Variants in RCAN2 observed in about 807,000 individuals in gnomAD.
RCAN2 encodes regulator of calcineurin 2.
In RCAN2, 9 loss-of-function variants were observed where a neutral mutation model predicts 23.6. The observed-to-expected ratio is 0.38, with a 90% CI of 0.23 to 0.67. The LOEUF (loss-of-function observed/expected upper bound fraction) is 0.67, where lower values mean the gene tolerates loss of function less well. Among genes scored for constraint, RCAN2 ranks in the 30% least tolerant of loss-of-function variants. The pLI is 0.51. For synonymous variants in RCAN2, 109 were observed against 115.7 expected (o/e 0.94, Z 0.37); for missense variants, 273 against 302.3 (o/e 0.90, Z 0.72).
intron 2 of RCAN2, among the ~76,000 whole-genome samples, chr6:46,283,342 C>A (rs1293692463): frequency 6.6e-6 from 1 of 152,148 alleles, no homozygotes; most frequent in African/African-American, 2.4e-5. Flanking sequence ...ACTCAGGAGG[C>A]TGAGGTGGGA....
chr6:46,422,879 T>G (rs2150413034), intron 2 of RCAN2, among the ~76,000 whole-genome samples: 1 of 152,324 alleles, frequency 6.6e-6, no homozygotes, highest in Middle Eastern at 3.4e-3. Flanking sequence ...GTACTACTGA[T>G]GAGGAGGTGA....
chr6:46,261,778 A>G (rs949720403), intron 2 of RCAN2, among the ~76,000 whole-genome samples: 3 of 152,190 alleles, frequency 2.0e-5, no homozygotes, highest in Non-Finnish European at 2.9e-5. Context: ...GTAGAGCCCA[A>G]ATTAGCCACA....
chr6:46,439,701 G>A (rs542095552), intron 2 of RCAN2, among the ~76,000 whole-genome samples: 3 of 152,250 alleles, frequency 2.0e-5, no homozygotes, highest in African/African-American at 4.8e-5. Context: ...GCTGGGCAAA[G>A]GTAGGGCTAG....
intron 2 of RCAN2, among the ~76,000 whole-genome samples, chr6:46,355,496 G>T (rs940597148): frequency 4.6e-5 from 7 of 152,178 alleles, no homozygotes; most frequent in Non-Finnish European, 1.0e-4. Context: ...AGATGTTTGT[G>T]ATAATGTCTA....
At chr6:46,313,826 A>C (rs2150357956) in intron 2 of RCAN2, among the ~76,000 whole-genome samples, 1 of 152,358 alleles carries the variant, frequency 6.6e-6, no homozygotes, top group Admixed American at 6.5e-5. Flanking sequence ...TTCTGAGGCT[A>C]CATAAATGCT....
Position 46,227,372 on chromosome 6 carries a change from C to T in RCAN2, c.572-4071G>A, listed in dbSNP as rs1765707878. 2.0e-5 allele frequency among the ~76,000 whole-genome samples: 3 copies of T among 152,148 alleles called. No homozygotes were observed. In the South Asian group the frequency reaches 6.2e-4, roughly 32 times the overall value. On this transcript the variant is annotated intron_variant, in intron 4 of 4. Coordinates refer to ENST00000371374, the MANE Select transcript of RCAN2 (RefSeq NM_001251974.2). ...TTCAGAAGGAATGGTACCAGCTTTT[C>T]CTTGTACCTCTGGTAGAATTTGGCT...
At position 46,299,960 on chromosome 6, in the gene RCAN2, C is replaced by T. The variant is rs1258647058; in HGVS notation, c.226-51064G>A. Among the ~76,000 whole-genome samples the T allele has an allele frequency of 2.6e-5, 4 of 151,722 alleles. No individual in the cohort carries two copies. In the East Asian group the frequency reaches 7.7e-4, roughly 29 times the overall value. On this transcript the variant is annotated intron_variant, in intron 2 of 4. Transcript: ENST00000371374. ...AATGATATGGAATCTAATTATATTA[C>T]ATTTTTATGATATACACGAAGATAA...
intron 2 of RCAN2, among the ~76,000 whole-genome samples, chr6:46,300,518 T>C (rs1179641754): frequency 6.6e-6 from 1 of 152,054 alleles, no homozygotes; most frequent in Admixed American, 6.6e-5. Context: ...CACAGATCCC[T>C]GATAAATCAA....
intron 2 of RCAN2, among the ~76,000 whole-genome samples, chr6:46,258,357 C>T (rs1249613398): frequency 6.6e-6 from 1 of 152,162 alleles, no homozygotes; most frequent in Non-Finnish European, 1.5e-5. Flanking sequence ...TTTCTTAGGC[C>T]AGCCAAACTT....
At chr6:46,322,271 C>T (rs1288110260) in intron 2 of RCAN2, among the ~76,000 whole-genome samples, 1 of 152,208 alleles carries the variant, frequency 6.6e-6, no homozygotes, top group Admixed American at 6.5e-5. Context: ...TCCCCTATAG[C>T]ATTTTCTATT....
intron 2 of RCAN2, among the ~76,000 whole-genome samples, chr6:46,369,506 G>A (rs1472643809): frequency 3.9e-5 from 6 of 152,064 alleles, no homozygotes; most frequent in South Asian, 2.1e-4. Flanking sequence ...GCATCACAAC[G>A]TTAGGATGGC....
At chr6:46,344,129 G>A (rs758883244) in intron 2 of RCAN2, among the ~76,000 whole-genome samples, 15 of 152,180 alleles carry the variant, frequency 9.9e-5, no homozygotes, top group Admixed American at 3.9e-4. Context: ...CTATTGTGAT[G>A]ATGGTTGTAT....
At chr6:46,474,334 G>C (rs57902810) in intron 1 of RCAN2, among the ~76,000 whole-genome samples, 8,162 of 152,162 alleles carry the variant, frequency 0.054, 354 homozygotes, top group African/African-American at 0.11. Context: ...ACTGACACAT[G>C]AGGCGGTGGG....
At chr6:46,236,047 G>A (rs1289093723) in intron 4 of RCAN2, among the ~76,000 whole-genome samples, 1 of 152,192 alleles carries the variant, frequency 6.6e-6, no homozygotes, top group African/African-American at 2.4e-5. Context: ...CTCCCAAGAT[G>A]CATGCTATGA....
In RCAN2 at chr6:46,387,817, G is replaced by A. The variant is rs532269253; in HGVS notation, c.225+68935C>T. Among the ~76,000 whole-genome samples the A allele has an allele frequency of 9.9e-5, 15 of 152,190 alleles. No individual in the cohort carries two copies. The South Asian group carries it at 3.1e-3, about 32-fold the overall frequency. ...ACATATGCACACGTATGTTTATTGT[G>A]GCACTGTTCACAATGGCAAAGACTT... On this transcript the variant is annotated intron_variant, in intron 2 of 4. Transcript: ENST00000371374.
rs138315831 is a variant in RCAN2, at chr6:46,307,353, C to T, written c.226-58457G>A. Among the ~76,000 whole-genome samples the T allele has an allele frequency of 3.7e-3, 556 of 152,214 alleles. 3 individuals carry two copies. The highest frequency in any genetic ancestry group is 0.013 in the African/African-American group (526 of 41,546). On this transcript the variant is annotated intron_variant, in intron 2 of 4. Transcript: ENST00000371374. The stretch of plus-strand genomic sequence containing the variant: ...TGAGGGGTGTATGTGCCTCAAAGAT[C>T]AGCTAAGCCTCTGGCAGAAATCAAA...
At chr6:46,373,979 A>G (rs576831569) in intron 2 of RCAN2, among the ~76,000 whole-genome samples, 17 of 152,258 alleles carry the variant, frequency 1.1e-4, no homozygotes, top group Non-Finnish European at 1.9e-4. Context: ...TACCATGTCA[A>G]CCCAGCACTT....
At chr6:46,485,334 C>T (rs1423890048) in intron 1 of RCAN2, among the ~76,000 whole-genome samples, 1 of 152,016 alleles carries the variant, frequency 6.6e-6, no homozygotes, top group Non-Finnish European at 1.5e-5. Flanking sequence ...GCACAGAATG[C>T]AAAATTCTGT....
intron 2 of RCAN2, among the ~76,000 whole-genome samples, chr6:46,258,891 G>T (rs980968302): frequency 6.6e-6 from 1 of 152,050 alleles, no homozygotes; most frequent in African/African-American, 2.4e-5. Flanking sequence ...AAATAAAAAC[G>T]TGTATGAGGA....
Sources: allele counts gnomAD v4.1 joint callset (sites outside exome capture counted in the v4.1 genomes callset), GRCh38; gene constraint gnomAD v4.1.1; transcripts MANE v1.5; gene names NCBI Gene and HGNC (gene_info 2026-07-23, HGNC 2026-07-21).